Variants in SMARCA2 observed in about 807,000 individuals in gnomAD.
SMARCA2 encodes SWI/SNF-related matrix-associated actin-dependent regulator of chromatin subfamily A member 2.
SMARCA2 carries 61 observed loss-of-function variants against 199.8 expected under a neutral mutation model. That is an observed-to-expected ratio of 0.31 (90% CI 0.25 to 0.38). The LOEUF is 0.38. Among genes scored for constraint, SMARCA2 ranks in the 10% least tolerant of loss-of-function variants. The pLI, the probability that SMARCA2 is intolerant of heterozygous loss-of-function variation, is 1.00. For missense variants in SMARCA2, 1,344 were observed against 2,012.2 expected (o/e 0.67, Z 6.35); for synonymous variants, 935 against 732.0 (o/e 1.28, Z -4.48).
chr9:2,032,379 T>C (rs988120814), intron 2 of SMARCA2: 1 of 152,316 alleles, frequency 6.6e-6, no homozygotes, highest in African/African-American at 2.4e-5. Flanking sequence ...TTTCCGTTCC[T>C]CCTCCCTCTG....
At chr9:2,051,606 C>T (rs898219756) in intron 5 of SMARCA2, among the ~76,000 whole-genome samples, 1 of 152,182 alleles carries the variant, frequency 6.6e-6, no homozygotes, top group East Asian at 1.9e-4. Context: ...AGGAATTCCT[C>T]TAATTTGGCA....
rs377702967 is a variant in SMARCA2 at position 2,104,363 on chromosome 9, C to T, written c.3292+194C>T. 6.6e-6 allele frequency among the ~76,000 whole-genome samples: 1 copy of T among 152,258 alleles called. No individual in the cohort carries two copies. The highest frequency in any genetic ancestry group is 2.1e-4 in the South Asian group (1 of 4,826). ...TAAGCTGACCTCATTTGTGCAGCTG[C>T]ATAGCCCACAAATAAACCAACACAA... On this transcript the variant is annotated intron_variant, in intron 23 of 33. Transcript: ENST00000349721. This position sits in a 1 kb window ranked among gnomAD's most constrained non-coding sequence, Gnocchi z 4.0.
chr9:2,168,039 T>C lies in SMARCA2; in HGVS notation c.4200-2380T>C, dbSNP rs539268717. ...ATGAGCTTTTTTTCTTTTTCTTTTT[T>C]TTTTTTTTTTGAGACAGTTTCGCTC... On this transcript the variant is annotated intron_variant, in intron 28 of 33. Coordinates refer to ENST00000349721, the MANE Select transcript of SMARCA2 (RefSeq NM_003070.5). Among the ~76,000 whole-genome samples, 244 of 151,562 alleles carry C rather than the reference T, an allele frequency of 1.6e-3. 1 individual carries two copies. Among genetic ancestry groups the C allele is most frequent in the African/African-American group, 5.6e-3 (232 of 41,384 alleles).
At chr9:2,122,038 G>T (rs1459528062) in intron 26 of SMARCA2, among the ~76,000 whole-genome samples, 2 of 152,100 alleles carry the variant, frequency 1.3e-5, no homozygotes, top group African/African-American at 4.8e-5. Flanking sequence ...GTATTTTGTG[G>T]GTAGAAATCT....
At chr9:2,116,698 A>AT (rs1478932872) in intron 25 of SMARCA2, among the ~76,000 whole-genome samples, 5 of 152,180 alleles carry the variant, frequency 3.3e-5, no homozygotes, top group African/African-American at 4.8e-5. Context: ...CATTTGTATT[A>AT]TTTTTAGATT....
intron 29 of SMARCA2, among the ~76,000 whole-genome samples, chr9:2,175,985 A>C (rs1157513006): frequency 1.3e-5 from 2 of 151,974 alleles, no homozygotes; most frequent in Non-Finnish European, 2.9e-5. Context: ...GGTTCAAGCG[A>C]TTCTCCTGCC....
rs1399158059 is a variant in SMARCA2 at position 2,041,473 on chromosome 9, T to C, written c.790+1573T>C. 5 of 398,398 alleles carry C rather than the reference T, an allele frequency of 1.3e-5. No homozygotes were observed. In the Admixed American group the frequency reaches 1.8e-4, roughly 14 times the overall value. 24.7% of individuals were successfully genotyped at this position (398,398 alleles called of 1,614,324 possible). A position where few individuals can be genotyped will look rare whatever the true frequency, so the allele number is the denominator to read the frequency against. On this transcript the variant is annotated intron_variant, in intron 4 of 33. Transcript: ENST00000349721. Reference sequence around the variant, plus strand: ...CAAGGCAGCTCTCTGGAGCCTCTTTTACAAGGGCATGAATCCCAATTATGA... The same window carrying C: ...CAAGGCAGCTCTCTGGAGCCTCTTTCACAAGGGCATGAATCCCAATTATGA...
At chr9:2,033,269 A>T (rs938067208) in intron 3 of SMARCA2, 188 bp downstream of exon 3, 52 of 566,746 alleles carry the variant, frequency 9.2e-5, no homozygotes, top group Middle Eastern at 4.7e-4. Context: ...GGGAAATTTT[A>T]TTTCCGAAGT....
chr9:2,144,688 C>T (rs1325656996), intron 27 of SMARCA2, among the ~76,000 whole-genome samples: 1 of 152,156 alleles, frequency 6.6e-6, no homozygotes, highest in African/African-American at 2.4e-5. Context: ...TCTCCAGGAT[C>T]AGTAAAATTA....
At position 2,192,830 on chromosome 9, in the gene SMARCA2, G is replaced by C. The variant is rs932669097; in HGVS notation, c.*91G>C. On this transcript the variant is annotated 3_prime_UTR_variant, in exon 34 of 34. Transcript: ENST00000349721. ...GAGTTCATTTGTCATATAGGCACTG[G>C]GTTGTTTCTATATCATCATCGTCTA... 39 of 910,420 alleles carry C rather than the reference G, an allele frequency of 4.3e-5. No individual in the cohort carries two copies. Among genetic ancestry groups the C allele is most frequent in the Admixed American group, 1.9e-4 (10 of 53,124 alleles). The allele number at this position is 910,420 out of a possible 1,614,324, so 56.4% of individuals were successfully genotyped here.
At chr9:2,068,415 A>G (rs1381047216) in intron 9 of SMARCA2, among the ~76,000 whole-genome samples, 3 of 152,152 alleles carry the variant, frequency 2.0e-5, no homozygotes, top group East Asian at 3.8e-4. Context: ...ACATACATAC[A>G]TGTATTTTTG....
chr9:2,117,530 G>A (rs564320579), intron 25 of SMARCA2, among the ~76,000 whole-genome samples: 52 of 152,254 alleles, frequency 3.4e-4, no homozygotes, highest in South Asian at 2.1e-3. Flanking sequence ...ACAATATGGC[G>A]AATGATCTAT....
chr9:2,143,303 G>T (rs1474739997), intron 27 of SMARCA2, among the ~76,000 whole-genome samples: 1 of 152,170 alleles, frequency 6.6e-6, no homozygotes, highest in Non-Finnish European at 1.5e-5. Flanking sequence ...GTAGATGTGG[G>T]GAGGAAAAAT....
intron 30 of SMARCA2, among the ~76,000 whole-genome samples, 169 bp downstream of exon 30, chr9:2,181,845 G>C (rs1266251764): frequency 6.6e-6 from 1 of 152,208 alleles, no homozygotes; most frequent in African/African-American, 2.4e-5. Flanking sequence ...TAATCATGTT[G>C]AGAGCTCACG....
Position 2,169,130 on chromosome 9 carries a change from A to G in SMARCA2, c.4200-1289A>G, listed in dbSNP as rs149676071. On this transcript the variant is annotated intron_variant, in intron 28 of 33. Coordinates refer to ENST00000349721, the MANE Select transcript of SMARCA2 (RefSeq NM_003070.5). The surrounding 1 kb of genome is among the most constrained non-coding windows in gnomAD (Gnocchi z 6.5). ...ATTGCTGACACTCAGAGTCCCCTCA[A>G]CCTGCTCCTAATTGTCCCTACAAGA... is the stretch of plus-strand genomic sequence containing the variant. Among the ~76,000 whole-genome samples the G allele has an allele frequency of 1.3e-3, 199 of 152,260 alleles. No individual in the cohort carries two copies. The highest frequency in any genetic ancestry group is 4.6e-3 in the African/African-American group (193 of 41,544).
Position 2,144,787 on chromosome 9 carries a change from ACTCACCTGTTGCTGATCACAACTCAT to A in SMARCA2, c.3982-16858_3982-16833del, listed in dbSNP as rs1442077701. Among the ~76,000 whole-genome samples, 214 of 151,998 alleles carry A rather than the reference ACTCACCTGTTGCTGATCACAACTCAT, an allele frequency of 1.4e-3. 1 individual carries two copies. The highest frequency in any genetic ancestry group is 4.1e-3 in the East Asian group (21 of 5,166). The stretch of plus-strand genomic sequence containing the variant: ...CGAGGCCTCCAGAGGTCATTAAGAG[ACTCACCTGTTGCTGATCACAACTCAT>A]CTCACCTGTTGCTGATCACAACTCA... On this transcript the variant is annotated intron_variant, in intron 27 of 33. Transcript: ENST00000349721.
rs370987059 is a variant in SMARCA2 at position 2,181,520 on chromosome 9, C to A, written c.4254-51C>A. 3 of 869,902 alleles carry A rather than the reference C, an allele frequency of 3.4e-6. No individual in the cohort carries two copies. The African/African-American group carries it at 5.0e-5, about 14-fold the overall frequency. The allele number at this position is 869,902 out of a possible 1,614,324, so 53.9% of individuals were successfully genotyped here. A position where few individuals can be genotyped will look rare whatever the true frequency, so the allele number is the denominator to read the frequency against. On this transcript the variant is annotated intron_variant, in intron 29 of 33. Coordinates refer to ENST00000349721, the MANE Select transcript of SMARCA2 (RefSeq NM_003070.5). ...TTCTGAAATAAAAATAAAACCTTTC[C>A]TCAGTAATGTTTGATGTGGCTTGTT...
At chr9:2,137,822 GA>G (rs1824274208) in intron 27 of SMARCA2, among the ~76,000 whole-genome samples, 1 of 152,184 alleles carries the variant, frequency 6.6e-6, no homozygotes, top group South Asian at 2.1e-4. Flanking sequence ...GGCTAGGAGG[GA>G]TTTGGTTGCA....
chr9:2,084,063 T>C (rs1221174872), intron 16 of SMARCA2, 23 bp from the exon 17 acceptor site: 4 of 1,264,312 alleles, frequency 3.2e-6, no homozygotes, highest in South Asian at 2.4e-5. Context: ...GGATCATGCA[T>C]GTATTTTTTT....
Sources: gnomAD v4.1 joint callset for allele counts (sites outside exome capture counted in the v4.1 genomes callset) on GRCh38, gnomAD v4.1.1 for gene constraint, Gnocchi (gnomAD v3.1) non-coding constraint, MANE v1.5 for transcripts, NCBI Gene and HGNC (gene_info 2026-07-23, HGNC 2026-07-21) for gene names.